IL7: variants seen among roughly 807,000 people sequenced by gnomAD.
IL7 encodes interleukin 7, also known as interleukin-7.
Under a neutral mutation model 21.6 loss-of-function variants are expected in IL7, and 3 were observed. That is an observed-to-expected ratio of 0.14 (90% confidence interval 0.06 to 0.36). The LOEUF (loss-of-function observed/expected upper bound fraction) is 0.36, where lower values mean the gene tolerates loss of function less well. Among genes scored for constraint, IL7 ranks in the 10% least tolerant of loss-of-function variants. The pLI is 1.00. For synonymous variants in IL7, 62 were observed against 68.1 expected, an observed-to-expected ratio of 0.91 and a Z score of 0.44; for missense variants, 175 against 200.2, an observed-to-expected ratio of 0.87 and a Z score of 0.76.
chr8:78,789,888 A>G (rs1485044023), intron 2 of IL7, among the ~76,000 whole-genome samples: 1 of 152,206 alleles, frequency 6.6e-6, no homozygotes, highest in Non-Finnish European at 1.5e-5. Flanking sequence ...ATACAGAAGC[A>G]GGAACAGGCT....
chr8:78,687,902 T>C lies in IL7; in HGVS notation n.215-1955A>G, dbSNP rs1037205836. The stretch of plus-strand genomic sequence containing the variant: ...ATATATTTATATAATAAATTATATA[T>C]ATTTATATAAATATATAATTATTTA... On this transcript the variant is annotated intron_variant and non_coding_transcript_variant, in intron 3 of 4. Coordinates refer to the IL7 transcript ENST00000523959. Among the ~76,000 whole-genome samples, 74 of 58,734 alleles carry C rather than the reference T, an allele frequency of 1.3e-3. 2 individuals are homozygous for C. Among genetic ancestry groups the C allele is most frequent in the African/African-American group, 3.0e-3 (73 of 24,202 alleles). 38.5% of individuals were successfully genotyped at this position (58,734 alleles called of 152,430 possible).
At chr8:78,804,183 G>A (rs73687558) in intron 1 of IL7, among the ~76,000 whole-genome samples, 3,296 of 151,924 alleles carry the variant, frequency 0.022, 110 homozygotes, top group African/African-American at 0.075. Context: ...GCACAAATAA[G>A]ATATATTAGG....
At chr8:78,732,094 A>G (rs756161969), downstream of IL7, among the ~76,000 whole-genome samples, 2 of 152,068 alleles carry the variant, frequency 1.3e-5, no homozygotes, top group Non-Finnish European at 2.9e-5. Context: ...GTAGAGGTGT[A>G]CCACATGGTT....
intron 2 of IL7, among the ~76,000 whole-genome samples, chr8:78,763,678 A>T (rs1283375931): frequency 6.6e-6 from 1 of 152,200 alleles, no homozygotes; most frequent in East Asian, 1.9e-4. Context: ...AATAAATAAA[A>T]AATGATGTTA....
chr8:78,804,871 G>A (rs1373339143), intron 1 of IL7, 42 bp downstream of exon 1: 2 of 1,611,618 alleles, frequency 1.2e-6, no homozygotes, highest in Admixed American at 1.7e-5. Context: ...GCCCCGGCGC[G>A]TCGGGCGCGC....
chr8:78,796,100 A>AT (rs1813844681), intron 2 of IL7, among the ~76,000 whole-genome samples: 1 of 152,040 alleles, frequency 6.6e-6, no homozygotes, highest in African/African-American at 2.4e-5. Context: ...AATCAATCAC[A>AT]TTGTATTGAT....
At chr8:78,798,007 CAT>C in intron 2 of IL7, 63 bp downstream of exon 2, 4 of 1,292,074 alleles carry the variant, frequency 3.1e-6, no homozygotes, top group Non-Finnish European at 4.3e-6. Flanking sequence ...TATAAAACTG[CAT>C]ACCAAAAAGG....
chr8:78,758,182 T>G (rs1205380958), intron 2 of IL7, among the ~76,000 whole-genome samples: 1 of 152,188 alleles, frequency 6.6e-6, no homozygotes, highest in Admixed American at 6.5e-5. Flanking sequence ...TGGCAGCATA[T>G]AATTGGGTCT....
At chr8:78,751,881 T>C (rs893897587) in intron 2 of IL7, among the ~76,000 whole-genome samples, 1 of 152,208 alleles carries the variant, frequency 6.6e-6, no homozygotes, top group Non-Finnish European at 1.5e-5. Context: ...TATCTAGTTA[T>C]AATTTTGCAT....
chr8:78,721,992 C>A (rs544682536), intron 3 of IL7, among the ~76,000 whole-genome samples: 1 of 151,774 alleles, frequency 6.6e-6, no homozygotes, highest in East Asian at 1.9e-4. Flanking sequence ...TTTCAAATAA[C>A]GTTTGTATAT....
At chr8:78,709,518 G>C (rs905546074) in intron 3 of IL7, among the ~76,000 whole-genome samples, 3 of 152,040 alleles carry the variant, frequency 2.0e-5, no homozygotes, top group African/African-American at 7.2e-5. Context: ...TGGATAGGGA[G>C]CTAACTTTGC....
downstream of IL7, among the ~76,000 whole-genome samples, chr8:78,732,341 A>G (rs1005209273): frequency 6.6e-6 from 1 of 152,112 alleles, no homozygotes; most frequent in Non-Finnish European, 1.5e-5. Context: ...GTGAAGGTGA[A>G]ATGTCATATG....
chr8:78,714,188 C>A (rs1330856489), downstream of IL7, among the ~76,000 whole-genome samples: 1 of 152,212 alleles, frequency 6.6e-6, no homozygotes, highest in East Asian at 1.9e-4. Flanking sequence ...CATCTAAATC[C>A]TAGCTTTGGA....
intron 2 of IL7, among the ~76,000 whole-genome samples, chr8:78,767,039 C>T (rs751517158): frequency 6.6e-6 from 1 of 152,088 alleles, no homozygotes; most frequent in Non-Finnish European, 1.5e-5. Context: ...TGAAGATGAA[C>T]ATCATTTCAT....
At chr8:78,724,301 A>T (rs1252866352) in intron 3 of IL7, among the ~76,000 whole-genome samples, 3 of 151,928 alleles carry the variant, frequency 2.0e-5, no homozygotes, top group Non-Finnish European at 2.9e-5. Context: ...AATATTTAAG[A>T]GGTATGTTGC....
chr8:78,737,762 C>T (rs925570622), intron 4 of IL7, among the ~76,000 whole-genome samples: 1 of 152,050 alleles, frequency 6.6e-6, no homozygotes, highest in African/African-American at 2.4e-5. Flanking sequence ...ATAAAATAAA[C>T]TTTTGGTTTT....
chr8:78,714,605 A>T (rs545290327), downstream of IL7, among the ~76,000 whole-genome samples: 4 of 152,276 alleles, frequency 2.6e-5, no homozygotes, highest in East Asian at 7.7e-4. Flanking sequence ...TTAGTTTTCT[A>T]ACCCTTCTTT....
chr8:78,696,272 G>A (rs1810410487), intron 3 of IL7, among the ~76,000 whole-genome samples: 2 of 152,240 alleles, frequency 1.3e-5, no homozygotes, highest in South Asian at 4.2e-4. Context: ...CTGACCTTGT[G>A]ATCCACCTGC....
chr8:78,681,901 C>CTTTTTTTTTT (rs56181953), intron 4 of IL7, among the ~76,000 whole-genome samples: 213 of 126,330 alleles, frequency 1.7e-3, no homozygotes, highest in Middle Eastern at 3.9e-3. Context: ...CTTTTTCTTT[C>CTTTTTTTTTT]TTTTTTTTTT....
Sources: gnomAD v4.1 joint callset for allele counts (sites outside exome capture counted in the v4.1 genomes callset) on GRCh38, gnomAD v4.1.1 for gene constraint, MANE v1.5 for transcripts, NCBI Gene and HGNC (gene_info 2026-07-23, HGNC 2026-07-21) for gene names.